The following ARHGAP44 variants were observed in gnomAD, a reference collection of about 807,000 sequenced individuals.
The protein encoded by ARHGAP44 is rho GTPase-activating protein 44.
In ARHGAP44, 43 loss-of-function variants were observed where a neutral mutation model predicts 106.8. That is an observed-to-expected ratio of 0.40 (90% CI 0.32 to 0.52). The LOEUF (loss-of-function observed/expected upper bound fraction) is 0.52. ARHGAP44 is among the 20% of genes least tolerant of loss of function. The pLI is 0.48. For synonymous variants in ARHGAP44, 439 were observed against 410.3 expected (o/e 1.07, Z -0.85); for missense variants, 866 against 1,050.5 (o/e 0.82, Z 2.43).
intron 1 of ARHGAP44, among the ~76,000 whole-genome samples, chr17:12,862,500 C>G (rs1363656034): frequency 6.6e-6 from 1 of 152,158 alleles, no homozygotes; most frequent in Non-Finnish European, 1.5e-5. Context: ...ATTGATGACC[C>G]ACAGACAGAG....
rs188488258 is a variant in ARHGAP44 at position 12,827,569 on chromosome 17, C to T, written c.53+37678C>T. 3.0e-3 allele frequency among the ~76,000 whole-genome samples: 462 copies of T among 151,934 alleles called. 2 individuals carry two copies. The highest frequency in any genetic ancestry group is 0.017 in the Middle Eastern group (5 of 294). On this transcript the variant is annotated intron_variant, in intron 1 of 20. Transcript: ENST00000379672. ...AGTAATATATTCAATATAACAATAA[C>T]CTTTCAATTTTATTTACTTCATGTA... is the stretch of plus-strand genomic sequence containing the variant.
At chr17:12,837,975 G>A (rs2035286650) in intron 1 of ARHGAP44, among the ~76,000 whole-genome samples, 1 of 152,080 alleles carries the variant, frequency 6.6e-6, no homozygotes, top group African/African-American at 2.4e-5. Flanking sequence ...GGACCCCTCC[G>A]CTTTCCCATC....
intron 1 of ARHGAP44, among the ~76,000 whole-genome samples, chr17:12,868,743 C>CA (rs977680890): frequency 2.0e-5 from 3 of 150,702 alleles, no homozygotes; most frequent in African/African-American, 7.3e-5. Flanking sequence ...CTGCAACCTC[C>CA]ACCTCCCGGG....
At chr17:12,816,195 G>A (rs1466909773) in intron 1 of ARHGAP44, among the ~76,000 whole-genome samples, 1 of 152,130 alleles carries the variant, frequency 6.6e-6, no homozygotes, top group Non-Finnish European at 1.5e-5. Flanking sequence ...AGATCTGTTT[G>A]AGCCTCTTGG....
chr17:12,835,061 A>G (rs2035196205), intron 1 of ARHGAP44, among the ~76,000 whole-genome samples: 1 of 152,244 alleles, frequency 6.6e-6, no homozygotes, highest in African/African-American at 2.4e-5. Context: ...CATCCGAATA[A>G]TCTTGCATTA....
At chr17:12,880,928 A>G (rs973220175) in intron 1 of ARHGAP44, among the ~76,000 whole-genome samples, 1 of 152,182 alleles carries the variant, frequency 6.6e-6, no homozygotes, top group Non-Finnish European at 1.5e-5. Flanking sequence ...ATTTTTACCA[A>G]AATGGCAGAT....
Position 12,949,606 on chromosome 17 carries a change from C to T in ARHGAP44, c.974-43C>T, listed in dbSNP as rs768521811. ...TGCTGGCTGGTGGGTCTTGCCTCTGCCACATCATAACAGTTCACAACCAAT... is the reference window on the plus strand; with the variant it reads ...TGCTGGCTGGTGGGTCTTGCCTCTGTCACATCATAACAGTTCACAACCAAT... On this transcript the variant is annotated intron_variant, in intron 11 of 20. Transcript: ENST00000379672. The surrounding 1 kb of genome is among the most constrained non-coding windows in gnomAD (Gnocchi z 4.1). 5 of 1,593,794 alleles carry T rather than the reference C, an allele frequency of 3.1e-6. No homozygotes were observed. In the African/African-American group the frequency reaches 5.4e-5, roughly 17 times the overall value.
chr17:12,813,865 C>T (rs1284130323), intron 1 of ARHGAP44, among the ~76,000 whole-genome samples: 2 of 152,162 alleles, frequency 1.3e-5, no homozygotes, highest in African/African-American at 2.4e-5. Flanking sequence ...TCCTGGCTCA[C>T]GGTGAGTACC....
At chr17:12,917,678 T>C (rs1281756779) in intron 5 of ARHGAP44, among the ~76,000 whole-genome samples, 1 of 152,148 alleles carries the variant, frequency 6.6e-6, no homozygotes, top group African/African-American at 2.4e-5. Context: ...TCCAGCCAAG[T>C]TGACACCTAA....
intron 6 of ARHGAP44, among the ~76,000 whole-genome samples, chr17:12,927,933 AT>A (rs915034512): frequency 1.5e-4 from 22 of 151,268 alleles, no homozygotes; most frequent in African/African-American, 4.1e-4. Flanking sequence ...GATTTATTTT[AT>A]TTTTTTTTAA....
chr17:12,825,744 C>T (rs1030695070), intron 1 of ARHGAP44, among the ~76,000 whole-genome samples: 1 of 152,084 alleles, frequency 6.6e-6, no homozygotes, highest in Non-Finnish European at 1.5e-5. Context: ...GGTATTTTAC[C>T]AGTTACTGGG....
At position 12,991,566 on chromosome 17, in the gene ARHGAP44, T is replaced by C. The variant is rs2040152477; in HGVS notation, c.*1395T>C. On this transcript the variant is annotated 3_prime_UTR_variant, in exon 21 of 21. Coordinates refer to ENST00000379672, the MANE Select transcript of ARHGAP44 (RefSeq NM_014859.6). ...TGGGAGTCTGGGGTAAGGGTGGGGG[T>C]TGAAAGTTGTTATCTTTAAATACAT... 5.6e-6 allele frequency: 1 copy of C among 177,910 alleles called. No homozygotes were observed. Among genetic ancestry groups the C allele is most frequent in the East Asian group, 9.4e-5 (1 of 10,616 alleles). 11.0% of individuals were successfully genotyped at this position (177,910 alleles called of 1,614,324 possible). A position where few individuals can be genotyped will look rare whatever the true frequency, so the allele number is the denominator to read the frequency against.
At chr17:12,925,007 C>T (rs906880406) in intron 6 of ARHGAP44, among the ~76,000 whole-genome samples, 6 of 151,892 alleles carry the variant, frequency 4.0e-5, no homozygotes, top group Non-Finnish European at 7.4e-5. Flanking sequence ...ATTCTGGAGG[C>T]GGGGCAGTGT....
chr17:12,840,614 GGT>G (rs2035361680), intron 1 of ARHGAP44, among the ~76,000 whole-genome samples: 1 of 151,952 alleles, frequency 6.6e-6, no homozygotes, highest in Non-Finnish European at 1.5e-5. Context: ...GTATTGGGAT[GGT>G]TCATCTGGGC....
chr17:12,871,080 T>C (rs1401186095), intron 1 of ARHGAP44, among the ~76,000 whole-genome samples: 1 of 152,248 alleles, frequency 6.6e-6, no homozygotes, highest in Non-Finnish European at 1.5e-5. Flanking sequence ...TAGTTTGGCC[T>C]TCTATGCCTT....
chr17:12,945,736 A>G (rs1333119642), intron 10 of ARHGAP44, among the ~76,000 whole-genome samples: 1 of 152,200 alleles, frequency 6.6e-6, no homozygotes, highest in Non-Finnish European at 1.5e-5. Flanking sequence ...TGTATTTTTA[A>G]CACATTTTAT....
chr17:12,903,122 GA>G (rs1380087856), intron 3 of ARHGAP44, among the ~76,000 whole-genome samples: 876 of 82,434 alleles, frequency 0.011, no homozygotes, highest in Middle Eastern at 0.016. Flanking sequence ...GAGAGAGAGA[GA>G]GAGGAGAGAG....
intron 2 of ARHGAP44, 46 bp from the exon 3 acceptor site, chr17:12,896,360 CT>C: frequency 6.6e-7 from 1 of 1,516,250 alleles, no homozygotes; most frequent in Non-Finnish European, 9.0e-7. Flanking sequence ...CCCTCCTCCC[CT>C]GACCTTGCCC....
chr17:12,940,812 G>A (rs998979602), intron 7 of ARHGAP44, among the ~76,000 whole-genome samples: 2 of 152,242 alleles, frequency 1.3e-5, no homozygotes, highest in Non-Finnish European at 2.9e-5. Context: ...GACTTTAACT[G>A]TGGTCCAAAT....
Sources: allele counts gnomAD v4.1 joint callset (sites outside exome capture counted in the v4.1 genomes callset), GRCh38; gene constraint gnomAD v4.1.1; non-coding constraint Gnocchi (gnomAD v3.1); transcripts MANE v1.5; gene names NCBI Gene and HGNC (gene_info 2026-07-23, HGNC 2026-07-21).